The following ZNF93 variants were observed in gnomAD, a reference collection of about 807,000 sequenced individuals.
ZNF93 encodes the protein zinc finger protein 93.
In ZNF93, 29 loss-of-function variants were observed where a neutral mutation model predicts 45.0. That is an observed-to-expected ratio of 0.64 (90% CI 0.48 to 0.88). The LOEUF is 0.88. Ranked by LOEUF, ZNF93 falls within the 40% of genes least tolerant of loss-of-function variation. The probability of loss-of-function intolerance (pLI) is 0.00; values close to 1 mark genes in which losing one functional copy is unlikely to be tolerated. For missense variants in ZNF93, 578 were observed against 724.0 expected (o/e 0.80, Z 2.31); for synonymous variants, 223 against 244.6 (o/e 0.91, Z 0.82).
At chr19:19,911,600 C>T (rs1442770553) in intron 1 of ZNF93, among the ~76,000 whole-genome samples, 1 of 151,954 alleles carries the variant, frequency 6.6e-6, no homozygotes, top group African/African-American at 2.4e-5. Flanking sequence ...TCTAGACTAG[C>T]TACTGGATAA....
intron 2 of ZNF93, among the ~76,000 whole-genome samples, chr19:19,916,069 CT>C (rs769502324): frequency 1.6e-3 from 225 of 138,456 alleles, no homozygotes; most frequent in Non-Finnish European, 1.8e-3. Flanking sequence ...TTTCTTTTTC[CT>C]TTTTTTTTTT....
At position 19,921,713 on chromosome 19, in the gene ZNF93, C is replaced by G. The variant is rs2063342948; in HGVS notation, c.226+5058C>G. On this transcript the variant is annotated intron_variant, in intron 3 of 3. Transcript: ENST00000343769. ...CATTATGTAATGGCCTTCTTTGTCT[C>G]TTTTGATCTTTGTTGGTTTAAAGTC... Among the ~76,000 whole-genome samples the G allele has an allele frequency of 4.6e-5, 7 of 151,810 alleles. No homozygotes were observed. The South Asian group carries it at 1.5e-3, about 32-fold the overall frequency.
At position 19,900,989 on chromosome 19, in the gene ZNF93, C is replaced by T. The variant is rs1269281631; in HGVS notation, c.-100C>T. On this transcript the variant is annotated 5_prime_UTR_variant, in exon 1 of 4. Coordinates refer to ENST00000343769, the MANE Select transcript of ZNF93 (RefSeq NM_031218.4). Reference sequence around the variant, plus strand: ...AGCTCCAGGTCTCCTCTTCACTACTCTGTGTCCTGTGCTCCTACAGGCCCA... The same window carrying T: ...AGCTCCAGGTCTCCTCTTCACTACTTTGTGTCCTGTGCTCCTACAGGCCCA... 4.5e-6 allele frequency: 7 copies of T among 1,561,034 alleles called. No individual in the cohort carries two copies. Among genetic ancestry groups the T allele is most frequent in the Non-Finnish European group, 3.5e-6 (4 of 1,133,636 alleles).
intron 1 of ZNF93, among the ~76,000 whole-genome samples, chr19:19,913,657 C>T (rs2063315782): frequency 6.6e-6 from 1 of 152,102 alleles, no homozygotes; most frequent in Admixed American, 6.5e-5. Context: ...CGAATCTCTT[C>T]TGTTTTAAAG....
rs547800896 is a variant in ZNF93 at position 19,915,070 on chromosome 19, A to G, written c.4-210A>G. ...ACTTTATTATCTAGAAAAATATCAT[A>G]TATGAACTGATGTTGTGGATCTAAT... On this transcript the variant is annotated intron_variant, in intron 1 of 3. Transcript: ENST00000343769. Among the ~76,000 whole-genome samples, 15 of 152,336 alleles carry G rather than the reference A, an allele frequency of 9.8e-5. No homozygotes were observed. In the South Asian group the frequency reaches 2.7e-3, roughly 27 times the overall value.
chr19:19,933,146 G>C, intron 3 of ZNF93, 36 bp from the exon 4 acceptor site: 1 of 1,418,122 alleles, frequency 7.1e-7, no homozygotes, highest in Non-Finnish European at 9.4e-7. Flanking sequence ...TCTGAGTCTA[G>C]CAATTGAAGT....
At chr19:19,914,234 A>G (rs2063317595) in intron 1 of ZNF93, among the ~76,000 whole-genome samples, 1 of 152,226 alleles carries the variant, frequency 6.6e-6, no homozygotes, top group Non-Finnish European at 1.5e-5. Context: ...CATTAGCTAT[A>G]TGCAGAAGAT....
chr19:19,906,293 CT>C (rs140117863), intron 1 of ZNF93, among the ~76,000 whole-genome samples: 3 of 152,012 alleles, frequency 2.0e-5, no homozygotes, highest in Non-Finnish European at 4.4e-5. Context: ...TAGTGATGAA[CT>C]TTTTTTTCAT....
chr19:19,922,609 T>C (rs955574064), intron 3 of ZNF93, among the ~76,000 whole-genome samples: 1 of 152,182 alleles, frequency 6.6e-6, no homozygotes, highest in Non-Finnish European at 1.5e-5. Flanking sequence ...TCACATAGTC[T>C]CATATTTCTT....
At chr19:19,923,121 G>A (rs1184532946) in intron 3 of ZNF93, among the ~76,000 whole-genome samples, 1 of 152,138 alleles carries the variant, frequency 6.6e-6, no homozygotes, top group East Asian at 1.9e-4. Context: ...TGGTGTGGAT[G>A]TCCTTTCTGT....
intron 1 of ZNF93, among the ~76,000 whole-genome samples, chr19:19,912,986 A>G (rs531640684): frequency 6.6e-6 from 1 of 152,342 alleles, no homozygotes; most frequent in South Asian, 2.1e-4. Flanking sequence ...GAGCCAGCAA[A>G]AAATATAAAA....
At chr19:19,931,316 A>C (rs2063373717) in intron 3 of ZNF93, among the ~76,000 whole-genome samples, 1 of 151,904 alleles carries the variant, frequency 6.6e-6, no homozygotes, top group Non-Finnish European at 1.5e-5. Flanking sequence ...CAGCCCCCTG[A>C]GTAGCTGGGA....
intron 1 of ZNF93, among the ~76,000 whole-genome samples, chr19:19,907,280 A>C (rs2063295704): frequency 6.6e-6 from 1 of 152,166 alleles, no homozygotes; most frequent in Non-Finnish European, 1.5e-5. Context: ...TTAGCACAAA[A>C]ATAGGATTAA....
chr19:19,915,130 A>G, intron 1 of ZNF93, 150 bp from the exon 2 acceptor site: 1 of 1,418,212 alleles, frequency 7.1e-7, no homozygotes, highest in Non-Finnish European at 9.5e-7. Flanking sequence ...ACATTAGAGA[A>G]TATTTCTGTG....
At chr19:19,925,829 A>G (rs2063354365) in intron 3 of ZNF93, among the ~76,000 whole-genome samples, 1 of 152,170 alleles carries the variant, frequency 6.6e-6, no homozygotes, top group Admixed American at 6.5e-5. Context: ...TTAAAAATGT[A>G]AGACTACTCT....
chr19:19,934,776 C>T lies in ZNF93; in HGVS notation c.1821C>T (p.Ser607=). Reference sequence around the variant, plus strand: ...GCAAAGCCTTTATTTCACCCTCAAGCCTTAGTAGACATGAGATAATTCATA... The same window carrying T: ...GCAAAGCCTTTATTTCACCCTCAAGTCTTAGTAGACATGAGATAATTCATA... ...KCGKAFISPS[S]LSRHEIIHTG... Residue 607 remains serine, a synonymous_variant, in exon 4 of 4, where the codon AGC becomes AGT. Coordinates refer to ENST00000343769, the MANE Select transcript of ZNF93 (RefSeq NM_031218.4). 2 of 1,603,512 alleles carry T rather than the reference C, an allele frequency of 1.2e-6. No individual in the cohort carries two copies. The highest frequency in any genetic ancestry group is 1.7e-6 in the Non-Finnish European group (2 of 1,175,568).
At chr19:19,918,735 C>G (rs1246844765) in intron 3 of ZNF93, among the ~76,000 whole-genome samples, 4 of 152,142 alleles carry the variant, frequency 2.6e-5, no homozygotes, top group African/African-American at 9.7e-5. Flanking sequence ...TGTCTTTTGG[C>G]TGTATAAATG....
intron 3 of ZNF93, among the ~76,000 whole-genome samples, chr19:19,916,866 T>A (rs1056368865): frequency 1.3e-5 from 2 of 152,214 alleles, no homozygotes; most frequent in Admixed American, 1.3e-4. Context: ...CTAAGGATTC[T>A]ACTTTTGTTT....
At chr19:19,925,002 G>T (rs1035087894) in intron 3 of ZNF93, among the ~76,000 whole-genome samples, 1 of 152,214 alleles carries the variant, frequency 6.6e-6, no homozygotes, top group Admixed American at 6.5e-5. Flanking sequence ...AGGTCTGTAG[G>T]CCTGCCTACA....
Sources: allele counts gnomAD v4.1 joint callset (sites outside exome capture counted in the v4.1 genomes callset), GRCh38; gene constraint gnomAD v4.1.1; transcripts MANE v1.5; gene names NCBI Gene and HGNC (gene_info 2026-07-23, HGNC 2026-07-21).